The following UBE2L6 variants were observed in gnomAD, a reference collection of about 807,000 sequenced individuals.
The protein encoded by UBE2L6 is ubiquitin/ISG15-conjugating enzyme E2 L6.
UBE2L6 carries 11 observed loss-of-function variants against 13.6 expected under a neutral mutation model. The observed-to-expected ratio is 0.81, with a 90% CI of 0.51 to 1.34. The LOEUF is 1.34. UBE2L6 is among the 40% of genes most tolerant of loss of function. The pLI, the probability that UBE2L6 is intolerant of heterozygous loss-of-function variation, is 0.00. For synonymous variants in UBE2L6, 74 were observed against 83.2 expected (o/e 0.89, Z 0.60); for missense variants, 197 against 199.5 (o/e 0.99, Z 0.07).
At chr11:57,567,794 G>A, upstream of UBE2L6, 2 of 603,808 alleles carry the variant, frequency 3.3e-6, no homozygotes, top group Non-Finnish European at 5.2e-6. Context: ...GTCGAAGGAC[G>A]ACCCGCCGGA....
chr11:57,565,597 T>G (rs1945084599), intron 1 of UBE2L6, among the ~76,000 whole-genome samples: 1 of 152,006 alleles, frequency 6.6e-6, no homozygotes, highest in Admixed American at 6.6e-5. Flanking sequence ...ACTCCTAGGC[T>G]CAAGCAGTCC....
intron 1 of UBE2L6, among the ~76,000 whole-genome samples, chr11:57,565,632 TGATATTA>T (rs1945085095): frequency 6.6e-6 from 1 of 152,164 alleles, no homozygotes; most frequent in African/African-American, 2.4e-5. Flanking sequence ...CCCAAAGTGC[TGATATTA>T]CAGGAGTGGG....
Position 57,552,237 on chromosome 11 carries a change from C to G in UBE2L6, c.*121G>C, listed in dbSNP as rs889973396. The G allele has an allele frequency of 2.9e-5, 40 of 1,388,714 alleles. No individual in the cohort carries two copies. The highest frequency in any genetic ancestry group is 9.6e-5 in the Admixed American group (5 of 51,990). 86.0% of individuals were successfully genotyped at this position (1,388,714 alleles called of 1,614,324 possible). ...ACCACACACACACACAAACTAATGA[C>G]TAACAACCTAAGAAGGGAAAAATGA... On this transcript the variant is annotated 3_prime_UTR_variant, in exon 4 of 4. Transcript: ENST00000287156.
At position 57,561,160 on chromosome 11, in the gene UBE2L6, C is replaced by G. The variant is rs1045815325; in HGVS notation, c.28-728G>C. 4.6e-5 allele frequency among the ~76,000 whole-genome samples: 7 copies of G among 152,106 alleles called. No homozygotes were observed. The South Asian group carries it at 6.2e-4, about 13-fold the overall frequency. On this transcript the variant is annotated intron_variant, in intron 1 of 3. Transcript: ENST00000287156. The stretch of plus-strand genomic sequence containing the variant: ...CTTCCTTTCTTCCTTCCGTAAGCAT[C>G]GACTGAGCATCTGCAGCAAAGACAT...
At chr11:57,554,354 C>A in intron 3 of UBE2L6, 83 bp downstream of exon 3, 1 of 1,502,700 alleles carries the variant, frequency 6.7e-7, no homozygotes, top group South Asian at 1.3e-5. Context: ...TGGGGCTTTT[C>A]AAGCTCAGAA....
intron 3 of UBE2L6, 27 bp downstream of exon 3, chr11:57,554,410 C>T (rs1358302803): frequency 1.2e-6 from 2 of 1,610,930 alleles, no homozygotes; most frequent in Admixed American, 1.7e-5. Context: ...AGTATCAGTC[C>T]CTCCTCCAAG....
intron 2 of UBE2L6, among the ~76,000 whole-genome samples, chr11:57,558,395 A>T (rs901226285): frequency 2.0e-5 from 3 of 152,116 alleles, no homozygotes; most frequent in African/African-American, 4.8e-5. Flanking sequence ...TTTTTAAAAA[A>T]TTTTGAAAAC....
chr11:57,564,326 GA>G (rs376624703), intron 1 of UBE2L6, among the ~76,000 whole-genome samples: 1 of 152,070 alleles, frequency 6.6e-6, no homozygotes, highest in East Asian at 1.9e-4. Context: ...ACGGCTGAGG[GA>G]AAAAATCTTT....
At chr11:57,559,482 G>A (rs1411076055) in intron 2 of UBE2L6, among the ~76,000 whole-genome samples, 3 of 152,076 alleles carry the variant, frequency 2.0e-5, no homozygotes, top group Admixed American at 6.6e-5. Context: ...ATAGTGGCAC[G>A]TGCCTGTAGT....
rs1349564831 is a variant in UBE2L6 at position 57,552,363 on chromosome 11, A to AG, written c.456dup (p.Ser153LeufsTer24). The AG allele has an allele frequency of 2.5e-6, 4 of 1,614,174 alleles. No individual in the cohort carries two copies. In the East Asian group the frequency reaches 8.9e-5, roughly 36 times the overall value. On this transcript the variant is annotated frameshift_variant, in exon 4 of 4. Coordinates refer to ENST00000287156, the MANE Select transcript of UBE2L6 (RefSeq NM_004223.5). LOFTEE classifies it high-confidence loss of function. ...ACAGAGGGTCAGAACATGAGTTAGG[A>AG]GGGCCGGTCCACTCCGAATCGGAGG...
intron 2 of UBE2L6, among the ~76,000 whole-genome samples, chr11:57,559,959 C>T (rs1489473451): frequency 6.6e-5 from 10 of 152,150 alleles, no homozygotes; most frequent in South Asian, 2.1e-4. Context: ...TTTAGGTTTG[C>T]GGGAGCAAAT....
At chr11:57,562,727 C>T (rs1029604662) in intron 1 of UBE2L6, among the ~76,000 whole-genome samples, 2 of 152,178 alleles carry the variant, frequency 1.3e-5, no homozygotes, top group African/African-American at 2.4e-5. Flanking sequence ...TCCAAAACCA[C>T]AAAGGTAGTA....
chr11:57,561,494 G>A (rs1351992852), intron 1 of UBE2L6, among the ~76,000 whole-genome samples: 2 of 152,180 alleles, frequency 1.3e-5, no homozygotes, highest in African/African-American at 4.8e-5. Context: ...AAGGAGATGA[G>A]AGGGGAGAAG....
chr11:57,556,058 T>C (rs1321230893), intron 2 of UBE2L6, among the ~76,000 whole-genome samples: 1 of 152,138 alleles, frequency 6.6e-6, no homozygotes, highest in African/African-American at 2.4e-5. Context: ...CTGAACACTT[T>C]TCTGAGCACC....
At chr11:57,566,949 C>CA in intron 1 of UBE2L6, 2 of 39,592 alleles carry the variant, frequency 5.1e-5, no homozygotes, top group Non-Finnish European at 5.5e-5. Context: ...CTCTGCCCGC[C>CA]CCCCCCCCCC....
chr11:57,554,090 C>T (rs980937448), intron 3 of UBE2L6, among the ~76,000 whole-genome samples: 4 of 152,188 alleles, frequency 2.6e-5, no homozygotes, highest in African/African-American at 7.2e-5. Context: ...GTTCCCTCCA[C>T]TGTCATTTAG....
At chr11:57,567,209 T>C (rs1280663583) in intron 1 of UBE2L6, 8 of 455,220 alleles carry the variant, frequency 1.8e-5, no homozygotes, top group Non-Finnish European at 3.0e-5. Context: ...TCTGTGTTCA[T>C]AACCCACCAC....
rs368739315 is a variant in UBE2L6 at position 57,564,157 on chromosome 11, A to G, written c.27+3428T>C. ...GAAGACTACCTCAAGGCATTTAATA[A>G]TCAATCTCCCAGATGTCAGGGATTA... On this transcript the variant is annotated intron_variant, in intron 1 of 3. Transcript: ENST00000287156. Among the ~76,000 whole-genome samples, 5 of 152,334 alleles carry G rather than the reference A, an allele frequency of 3.3e-5. No individual in the cohort carries two copies. The South Asian group carries it at 6.2e-4, about 19-fold the overall frequency.
At chr11:57,562,510 G>A (rs1159900176) in intron 1 of UBE2L6, among the ~76,000 whole-genome samples, 4 of 152,174 alleles carry the variant, frequency 2.6e-5, no homozygotes, top group South Asian at 2.1e-4. Flanking sequence ...TGATTACAGC[G>A]GGCCTTGAGC....
Sources: allele counts gnomAD v4.1 joint callset (sites outside exome capture counted in the v4.1 genomes callset), GRCh38; gene constraint gnomAD v4.1.1; transcripts MANE v1.5; gene names NCBI Gene and HGNC (gene_info 2026-07-23, HGNC 2026-07-21).